Variants in RPS6 observed in about 807,000 individuals in gnomAD.
RPS6 encodes the protein ribosomal protein S6, also known as small ribosomal subunit protein eS6.
In RPS6, 1 loss-of-function variant was observed where a neutral mutation model predicts 27.1. The ratio of observed to expected loss-of-function variants is 0.04; its 90% CI spans 0.01 to 0.18. The LOEUF (loss-of-function observed/expected upper bound fraction) is 0.18, where lower values mean the gene tolerates loss of function less well. Ranked by LOEUF, RPS6 falls within the 10% of genes least tolerant of loss-of-function variation. The pLI is 1.00. For synonymous variants in RPS6, 152 were observed against 106.0 expected (o/e 1.43, Z -2.66); for missense variants, 259 against 319.1 (o/e 0.81, Z 1.44).
At chr9:19,377,487 G>A (rs1013691254) in intron 4 of RPS6, among the ~76,000 whole-genome samples, 1 of 150,828 alleles carries the variant, frequency 6.6e-6, no homozygotes, top group East Asian at 1.9e-4. Flanking sequence ...GCTCAAGTAA[G>A]TGTAATTACT....
At chr9:19,378,329 C>G (rs1453750732) in intron 4 of RPS6, 39 bp downstream of exon 4, 1 of 1,602,570 alleles carries the variant, frequency 6.2e-7, no homozygotes, top group East Asian at 2.2e-5. Flanking sequence ...AGACAAATTA[C>G]CAAAATTAAG....
In RPS6 at chr9:19,376,403, A is replaced by G. The variant is rs371682835; in HGVS notation, c.655-15T>C. ...TCCTTAGCCTCCTAAACAAAACAAA[A>G]CAGCAAACAGTTAAGGCCTTTCTGG... On this transcript the variant is annotated splice_polypyrimidine_tract_variant and intron_variant, in intron 5 of 5. Transcript: ENST00000380394. The G allele has an allele frequency of 1.9e-6, 3 of 1,613,652 alleles. No homozygotes were observed. Among genetic ancestry groups the G allele is most frequent in the African/African-American group, 2.7e-5 (2 of 74,874 alleles).
chr9:19,377,546 G>C (rs1032297146), intron 4 of RPS6, among the ~76,000 whole-genome samples: 1 of 152,132 alleles, frequency 6.6e-6, no homozygotes, highest in Non-Finnish European at 1.5e-5. Flanking sequence ...AGTCACACCA[G>C]TCCTGAAAAC....
At chr9:19,378,538 T>C (rs1008783641) in intron 3 of RPS6, 24 bp from the exon 4 acceptor site, 1 of 1,605,180 alleles carries the variant, frequency 6.2e-7, no homozygotes, top group Non-Finnish European at 8.5e-7. Flanking sequence ...GTTGAAGAGA[T>C]TTTAATTCAA....
rs1829580690 is a variant in RPS6, at chr9:19,376,140, G to A, written c.*153C>T. The A allele has an allele frequency of 1.5e-6, 1 of 666,336 alleles. No individual in the cohort carries two copies. The highest frequency in any genetic ancestry group is 2.8e-5 in the East Asian group (1 of 35,654). 41.3% of individuals were successfully genotyped at this position (666,336 alleles called of 1,614,324 possible). A position where few individuals can be genotyped will look rare whatever the true frequency, so the allele number is the denominator to read the frequency against. ...TGTCTTCCACTACCACACACAATAG[G>A]TCTGACTTTATCCACCATTGGAATA... On this transcript the variant is annotated 3_prime_UTR_variant, in exon 6 of 6. Coordinates refer to ENST00000380394, the MANE Select transcript of RPS6 (RefSeq NM_001010.3).
rs373378766 is a variant in RPS6, at chr9:19,379,443, A to G, written c.138+44T>C. On this transcript the variant is annotated intron_variant, in intron 2 of 5. Coordinates refer to ENST00000380394, the MANE Select transcript of RPS6 (RefSeq NM_001010.3). ...CAAATACCAGTTACCAATGGCGTTTACCGTCTCTGACTTAAATACCTGCAA... is the reference window on the plus strand; with the variant it reads ...CAAATACCAGTTACCAATGGCGTTTGCCGTCTCTGACTTAAATACCTGCAA... 5 of 1,611,862 alleles carry G rather than the reference A, an allele frequency of 3.1e-6. No homozygotes were observed. In the African/African-American group the frequency reaches 5.3e-5, roughly 17 times the overall value.
intron 1 of RPS6, 113 bp downstream of exon 1, chr9:19,380,077 C>G: frequency 6.2e-7 from 1 of 1,611,556 alleles, no homozygotes; most frequent in East Asian, 2.2e-5. Context: ...CTACTTGAGA[C>G]CCTTCTCCAC....
chr9:19,380,125 T>C (rs748089597), intron 1 of RPS6, 65 bp downstream of exon 1: 22 of 1,613,946 alleles, frequency 1.4e-5, no homozygotes, highest in Non-Finnish European at 1.8e-5. Flanking sequence ...ACTGAGGCAA[T>C]GCCGCGTTCT....
rs1829583875 is a variant in RPS6, at chr9:19,376,230, A to G, written c.*63T>C. The G allele has an allele frequency of 2.2e-6, 3 of 1,355,954 alleles. No individual in the cohort carries two copies. The highest frequency in any genetic ancestry group is 3.1e-6 in the Non-Finnish European group (3 of 967,228). The allele number at this position is 1,355,954 out of a possible 1,614,324, so 84.0% of individuals were successfully genotyped here. On this transcript the variant is annotated 3_prime_UTR_variant, in exon 6 of 6. Coordinates refer to ENST00000380394, the MANE Select transcript of RPS6 (RefSeq NM_001010.3). ...CCTCTCTTCATTTATGTAGTTTTCT[A>G]TCAGCAATGAAAAGTCAACAGAGAT...
intron 2 of RPS6, 189 bp from the exon 3 acceptor site, chr9:19,379,107 ATG>A (rs1350596969): frequency 1.3e-6 from 1 of 763,436 alleles, no homozygotes; most frequent in East Asian, 2.7e-5. Context: ...CAATTATCAA[ATG>A]TCTTTCAAGT....
At chr9:19,379,457 A>G (rs1162618969) in intron 2 of RPS6, 30 bp downstream of exon 2, 15 of 1,613,708 alleles carry the variant, frequency 9.3e-6, no homozygotes, top group Non-Finnish European at 1.3e-5. Flanking sequence ...TCTCTGACTT[A>G]AATACCTGCA....
At position 19,376,170 on chromosome 9, in the gene RPS6, A is replaced by G; in HGVS notation, c.*123T>C. ...ACTTTATCCACCATTGGAATACCAT[A>G]TATACATATCCCCATTTTCTATGAC... is the stretch of plus-strand genomic sequence containing the variant. On this transcript the variant is annotated 3_prime_UTR_variant, in exon 6 of 6. Coordinates refer to ENST00000380394, the MANE Select transcript of RPS6 (RefSeq NM_001010.3). The G allele has an allele frequency of 2.5e-6, 2 of 791,836 alleles. No homozygotes were observed. The highest frequency in any genetic ancestry group is 2.1e-6 in the Non-Finnish European group (1 of 487,436). 49.1% of individuals were successfully genotyped at this position (791,836 alleles called of 1,614,324 possible).
chr9:19,378,219 T>C, intron 4 of RPS6, 149 bp downstream of exon 4: 1 of 714,188 alleles, frequency 1.4e-6, no homozygotes, highest in Non-Finnish European at 2.3e-6. Flanking sequence ...CAACTGGGTA[T>C]GCTGGCCACC....
intron 4 of RPS6, among the ~76,000 whole-genome samples, chr9:19,377,819 T>C (rs1305736246): frequency 6.6e-6 from 1 of 152,214 alleles, no homozygotes; most frequent in East Asian, 1.9e-4. Flanking sequence ...ATCCATATCC[T>C]ACAGATGAAA....
At chr9:19,379,174 C>A in intron 2 of RPS6, 1 of 881,380 alleles carries the variant, frequency 1.1e-6, no homozygotes, top group Non-Finnish European at 1.7e-6. Context: ...GATAAAATAT[C>A]AAACAGCAAC....
At position 19,378,956 on chromosome 9, in the gene RPS6, C is replaced by G. The variant is rs760714960; in HGVS notation, c.139-38G>C. On this transcript the variant is annotated intron_variant, in intron 2 of 5. Transcript: ENST00000380394. The stretch of plus-strand genomic sequence containing the variant: ...ACAATGAATGACACATTTACTATTT[C>G]TATTCCAAAATTATACAGTACAGGA... The G allele has an allele frequency of 1.9e-6, 3 of 1,589,956 alleles. No individual in the cohort carries two copies. The African/African-American group carries it at 4.0e-5, about 21-fold the overall frequency.
rs1038362437 is a variant in RPS6, at chr9:19,376,487, G to C, written c.654+7C>G. On this transcript the variant is annotated splice_region_variant and intron_variant, in intron 5 of 5. Coordinates refer to ENST00000380394, the MANE Select transcript of RPS6 (RefSeq NM_001010.3). ...CCTCCCACCCCCTCAAATCATCTTA[G>C]ACTAACCTTCATTCTCTTGGCCAAA... 1.9e-6 allele frequency: 3 copies of C among 1,613,540 alleles called. No homozygotes were observed. Among genetic ancestry groups the C allele is most frequent in the Non-Finnish European group, 2.5e-6 (3 of 1,179,856 alleles).
In RPS6 at chr9:19,378,837, G is replaced by A. The variant is rs769276369; in HGVS notation, c.220C>T (p.Arg74Cys). 8 of 1,614,018 alleles carry A rather than the reference G, an allele frequency of 5.0e-6. No individual in the cohort carries two copies. The highest frequency in any genetic ancestry group is 1.1e-5 in the South Asian group (1 of 91,092). The change falls in exon 3 of 6, where the codon CGC becomes TGC. Residue 74 changes from arginine (R) to cysteine (C), a missense_variant. Around this residue, in one of 3 missense-constraint regions of RPS6, gnomAD observed 191 missense variants for 231.6 expected, o/e 0.82. Coordinates refer to ENST00000380394, the MANE Select transcript of RPS6 (RefSeq NM_001010.3). ...GAATGCCCCTTACTCAGTAGCAGGC[G>A]GACACGGCCATGGGTCAAGACACCC... Reference protein sequence around the residue: ...KQGVLTHGRVRLLLSKGHSCY... With the variant: ...KQGVLTHGRVCLLLSKGHSCY...
chr9:19,380,222 C>A lies in RPS6; in HGVS notation c.-27G>T, dbSNP rs897910858. The A allele has an allele frequency of 6.2e-7, 1 of 1,613,134 alleles. No individual in the cohort carries two copies. Among genetic ancestry groups the A allele is most frequent in the Non-Finnish European group, 8.5e-7 (1 of 1,179,092 alleles). On this transcript the variant is annotated 5_prime_UTR_variant, in exon 1 of 6. Transcript: ENST00000380394. ...TTGAAGCAGCTGAACGCCTCCGAGG[C>A]GCCACGGAAAAGAGGGCCAACTTCC...
Sources: allele counts gnomAD v4.1 joint callset (sites outside exome capture counted in the v4.1 genomes callset), GRCh38; gene constraint gnomAD v4.1.1; regional missense constraint gnomAD v4.1.1; transcripts MANE v1.5; gene names NCBI Gene and HGNC (gene_info 2026-07-23, HGNC 2026-07-21).